RHOA: variants seen among roughly 807,000 people sequenced by gnomAD.
RHOA encodes the protein transforming protein RhoA.
A neutral mutation model predicts 17.5 loss-of-function variants in RHOA; 3 were observed. The ratio of observed to expected loss-of-function variants is 0.17; its 90% CI spans 0.08 to 0.44. RHOA has a LOEUF of 0.44. Ranked by LOEUF, RHOA falls within the 20% of genes least tolerant of loss-of-function variation. The pLI, the probability that RHOA is intolerant of heterozygous loss-of-function variation, is 0.99. For missense variants in RHOA, 56 were observed against 242.3 expected, an observed-to-expected ratio of 0.23 and a Z score of 5.10; for synonymous variants, 98 against 88.4, an observed-to-expected ratio of 1.11 and a Z score of -0.61.
At chr3:49,383,522 T>C (rs937900917) in intron 1 of RHOA, among the ~76,000 whole-genome samples, 4 of 152,172 alleles carry the variant, frequency 2.6e-5, no homozygotes, top group Non-Finnish European at 5.9e-5. Context: ...TTTGAAAAGT[T>C]TCCTTATAGA....
intron 1 of RHOA, among the ~76,000 whole-genome samples, chr3:49,380,462 C>T (rs920879411): frequency 3.9e-5 from 6 of 152,120 alleles, no homozygotes; most frequent in Admixed American, 3.9e-4. Flanking sequence ...AATCCCAGCA[C>T]ACTGGGAGGC....
At chr3:49,371,984 T>C (rs748392516) in intron 2 of RHOA, among the ~76,000 whole-genome samples, 64 of 152,132 alleles carry the variant, frequency 4.2e-4, no homozygotes, top group Non-Finnish European at 6.6e-4. Context: ...TAACAGCCAC[T>C]CTCTGGAGAA....
intron 2 of RHOA, among the ~76,000 whole-genome samples, chr3:49,373,937 C>T (rs2048184652): frequency 6.6e-6 from 1 of 151,732 alleles, no homozygotes; most frequent in African/African-American, 2.4e-5. Flanking sequence ...TCCAATTTCA[C>T]AAGAGCTTTG....
chr3:49,375,636 A>C (rs979651886), intron 1 of RHOA, 45 bp from the exon 2 acceptor site: 7 of 1,590,582 alleles, frequency 4.4e-6, no homozygotes, highest in Non-Finnish European at 5.1e-6. Context: ...ACAAGAAGTC[A>C]TAGGTAGCTT....
Position 49,362,559 on chromosome 3 carries a change from A to G in RHOA, c.345T>C (p.Val115=). 6.2e-7 allele frequency: 1 copy of G among 1,613,678 alleles called. No homozygotes were observed. Among genetic ancestry groups the G allele is most frequent in the Non-Finnish European group, 8.5e-7 (1 of 1,179,830 alleles). The change falls in exon 4 of 5, where the codon GTT becomes GTC. Residue 115 remains valine, a synonymous_variant. Coordinates refer to ENST00000418115, the MANE Select transcript of RHOA (RefSeq NM_001664.4). The part of the protein sequence containing the change: ...HFCPNVPIIL[V]GNKKDLRNDE... ...CATTCCGAAGATCCTTCTTATTCCC[A>G]ACCAGGATGATGGGCACGTTGGGAC...
At chr3:49,395,530 T>C (rs1255974324) in intron 1 of RHOA, among the ~76,000 whole-genome samples, 2 of 151,878 alleles carry the variant, frequency 1.3e-5, no homozygotes, top group African/African-American at 4.8e-5. Context: ...CTAGCCAACA[T>C]GGTGAAACCC....
At position 49,397,146 on chromosome 3, in the gene RHOA, A is replaced by G. The variant is rs1444281639; in HGVS notation, c.-3+14674T>C. ...TCCTGTCTCAAAAAAAAAAAAAAAA[A>G]AAGTCAGAAAATAAATGTTACAACA... On this transcript the variant is annotated intron_variant, in intron 1 of 4. Coordinates refer to ENST00000418115, the MANE Select transcript of RHOA (RefSeq NM_001664.4). 2.6e-5 allele frequency among the ~76,000 whole-genome samples: 4 copies of G among 151,876 alleles called. No homozygotes were observed. In the East Asian group the frequency reaches 7.7e-4, roughly 29 times the overall value.
At chr3:49,405,005 T>C (rs1180336418) in intron 1 of RHOA, among the ~76,000 whole-genome samples, 2 of 149,136 alleles carry the variant, frequency 1.3e-5, no homozygotes, top group East Asian at 2.0e-4. Context: ...CCCAACACTT[T>C]GGGAGGCGGA....
At chr3:49,377,420 C>T (rs563367330) in intron 1 of RHOA, among the ~76,000 whole-genome samples, 14 of 151,956 alleles carry the variant, frequency 9.2e-5, no homozygotes, top group South Asian at 2.1e-4. Flanking sequence ...CATAGTGAAA[C>T]CCTGTCTCTA....
At chr3:49,387,166 C>G (rs754035694) in intron 1 of RHOA, among the ~76,000 whole-genome samples, 1 of 131,818 alleles carries the variant, frequency 7.6e-6, no homozygotes, top group Non-Finnish European at 1.6e-5. Flanking sequence ...AAAAACAGGC[C>G]GGGCGTGGTG....
chr3:49,391,657 A>G (rs998801419), intron 1 of RHOA, among the ~76,000 whole-genome samples: 1 of 151,566 alleles, frequency 6.6e-6, no homozygotes, highest in African/African-American at 2.4e-5. Flanking sequence ...GATTACAGGC[A>G]TGCACCACCA....
chr3:49,362,718 T>C, intron 3 of RHOA, 92 bp from the exon 4 acceptor site: 2 of 1,076,960 alleles, frequency 1.9e-6, no homozygotes, highest in South Asian at 1.6e-5. Context: ...GACACTTTCT[T>C]TGTGGCTTCA....
At chr3:49,406,348 G>A (rs899367803) in intron 1 of RHOA, among the ~76,000 whole-genome samples, 1 of 152,138 alleles carries the variant, frequency 6.6e-6, no homozygotes, top group African/African-American at 2.4e-5. Context: ...ACAATGGCTA[G>A]AAGAATACAG....
At chr3:49,372,639 CAGG>C (rs1284518550) in intron 2 of RHOA, among the ~76,000 whole-genome samples, 2 of 145,498 alleles carry the variant, frequency 1.4e-5, no homozygotes. Context: ...GAGGATGAGG[CAGG>C]AGAATGGCGT....
intron 2 of RHOA, among the ~76,000 whole-genome samples, chr3:49,371,022 T>C (rs895896039): frequency 5.3e-5 from 8 of 152,176 alleles, no homozygotes; most frequent in African/African-American, 1.9e-4. Flanking sequence ...TAAGATATAC[T>C]GATGCCCAAT....
intron 1 of RHOA, among the ~76,000 whole-genome samples, chr3:49,404,458 A>ACACACACACAC (rs10527314): frequency 4.1e-5 from 6 of 146,782 alleles, no homozygotes; most frequent in East Asian, 2.1e-4. Flanking sequence ...ACACACACAC[A>ACACACACACAC]AAATTAGCCG....
intron 1 of RHOA, among the ~76,000 whole-genome samples, chr3:49,407,232 G>GTTTTTT (rs61556875): frequency 3.6e-4 from 25 of 70,050 alleles, no homozygotes; most frequent in Middle Eastern, 0.01. Flanking sequence ...AATCCTTTCC[G>GTTTTTT]TTTTTTTTTT....
At chr3:49,364,896 C>T (rs964110021) in intron 3 of RHOA, among the ~76,000 whole-genome samples, 8 of 151,498 alleles carry the variant, frequency 5.3e-5, no homozygotes, top group African/African-American at 1.2e-4. Flanking sequence ...TGCTTGAACC[C>T]GGGAGGCGGA....
Position 49,362,580 on chromosome 3 carries a change from G to A in RHOA, c.324C>T (p.Pro108=), listed in dbSNP as rs749741822. ...KWTPEVKHFC[P]NVPIILVGNK... Reference sequence around the variant, plus strand: ...TCCCAACCAGGATGATGGGCACGTTGGGACAGAAATGCTTGACTTCTGGGG... The same window carrying A: ...TCCCAACCAGGATGATGGGCACGTTAGGACAGAAATGCTTGACTTCTGGGG... The change falls in exon 4 of 5, where the codon CCC becomes CCT. Residue 108 remains proline, a synonymous_variant. Coordinates refer to ENST00000418115, the MANE Select transcript of RHOA (RefSeq NM_001664.4). 1 of 1,613,530 alleles carries A rather than the reference G, an allele frequency of 6.2e-7. No individual in the cohort carries two copies. Among genetic ancestry groups the A allele is most frequent in the Non-Finnish European group, 8.5e-7 (1 of 1,179,710 alleles).
Sources: allele counts gnomAD v4.1 joint callset (sites outside exome capture counted in the v4.1 genomes callset), GRCh38; gene constraint gnomAD v4.1.1; transcripts MANE v1.5; gene names NCBI Gene and HGNC (gene_info 2026-07-23, HGNC 2026-07-21).